Variants in KIAA1328 observed in about 807,000 individuals in gnomAD.
The protein encoded by KIAA1328 is protein hinderin.
A neutral mutation model predicts 68.1 loss-of-function variants in KIAA1328; 52 were observed. That is an observed-to-expected ratio of 0.76 (90% confidence interval 0.61 to 0.96). KIAA1328 has a LOEUF of 0.96. KIAA1328 is among the 40% of genes least tolerant of loss of function. The pLI is 0.00. For missense variants in KIAA1328, 641 were observed against 677.6 expected (o/e 0.95, Z 0.60); for synonymous variants, 232 against 239.4 (o/e 0.97, Z 0.28).
At chr18:36,926,850 A>G (rs913025269) in intron 5 of KIAA1328, among the ~76,000 whole-genome samples, 1 of 152,188 alleles carries the variant, frequency 6.6e-6, no homozygotes, top group African/African-American at 2.4e-5. Flanking sequence ...ATGGTTCTGC[A>G]TGCTTTATAG....
chr18:36,982,843 T>C (rs2052751890), intron 6 of KIAA1328, among the ~76,000 whole-genome samples: 1 of 151,986 alleles, frequency 6.6e-6, no homozygotes, highest in African/African-American at 2.4e-5. Flanking sequence ...ATAAGAAATA[T>C]TGCATTAAGG....
At chr18:37,057,931 C>T (rs924731491) in intron 6 of KIAA1328, among the ~76,000 whole-genome samples, 4 of 152,112 alleles carry the variant, frequency 2.6e-5, no homozygotes, top group South Asian at 2.1e-4. Context: ...CCGACCTTGT[C>T]GTAGTTGCAC....
downstream of KIAA1328, among the ~76,000 whole-genome samples, chr18:37,228,492 A>G (rs904211388): frequency 2.0e-5 from 3 of 152,164 alleles, no homozygotes; most frequent in Non-Finnish European, 4.4e-5. Context: ...GTAGCCATCA[A>G]CATCAAGGCA....
chr18:37,119,782 T>C (rs2058220043), intron 7 of KIAA1328, among the ~76,000 whole-genome samples: 1 of 152,182 alleles, frequency 6.6e-6, no homozygotes, highest in African/African-American at 2.4e-5. Flanking sequence ...TATAGATTTG[T>C]GTTAATATAC....
In KIAA1328 at chr18:36,959,416, C is replaced by G. The variant is rs200144238; in HGVS notation, c.557C>G (p.Ala186Gly). The change falls in exon 6 of 10, where the codon GCT becomes GGT. Residue 186 changes from alanine (A) to glycine (G), a missense_variant. Coordinates refer to ENST00000280020, the MANE Select transcript of KIAA1328 (RefSeq NM_020776.3). ...ATGTCTCTCTCAGAACTTGGTGCTG[C>G]TAGAATGCAGGAACAGCAGGTAAGC... ...LTMSLSELGA[A>G]RMQEQQVSSR... The G allele has an allele frequency of 1.3e-4, 210 of 1,609,062 alleles. No homozygotes were observed. In the African/African-American group the frequency reaches 2.3e-3, roughly 18 times the overall value.
chr18:37,049,009 TATA>T (rs1267797363), intron 6 of KIAA1328, among the ~76,000 whole-genome samples: 1 of 152,170 alleles, frequency 6.6e-6, no homozygotes, highest in Non-Finnish European at 1.5e-5. Flanking sequence ...TTCCATACAG[TATA>T]TTGGAGAGGT....
intron 6 of KIAA1328, among the ~76,000 whole-genome samples, chr18:37,055,368 T>G (rs1369582013): frequency 6.6e-6 from 1 of 152,208 alleles, no homozygotes; most frequent in Non-Finnish European, 1.5e-5. Flanking sequence ...TTCATTTGCT[T>G]GGATGTCTTG....
intron 1 of KIAA1328, among the ~76,000 whole-genome samples, chr18:36,833,612 A>G (rs2046572550): frequency 6.6e-6 from 1 of 152,226 alleles, no homozygotes; most frequent in Non-Finnish European, 1.5e-5. Context: ...GGGAACATGC[A>G]CAGAAGTGAC....
intron 5 of KIAA1328, among the ~76,000 whole-genome samples, chr18:36,894,045 G>A (rs1014189861): frequency 1.3e-5 from 2 of 152,066 alleles, no homozygotes; most frequent in African/African-American, 4.8e-5. Context: ...CTTAGGTGAG[G>A]CAGATACTCT....
chr18:37,038,690 C>CT (rs941171497), intron 6 of KIAA1328, among the ~76,000 whole-genome samples: 18 of 151,012 alleles, frequency 1.2e-4, no homozygotes, highest in African/African-American at 3.9e-4. Flanking sequence ...TAATGTATGT[C>CT]TTTTTTTTTC....
At chr18:36,934,681 C>G (rs894235728) in intron 5 of KIAA1328, among the ~76,000 whole-genome samples, 1 of 152,146 alleles carries the variant, frequency 6.6e-6, no homozygotes, top group Non-Finnish European at 1.5e-5. Flanking sequence ...GCCATCGTCT[C>G]CCTCTCCTCT....
At chr18:37,100,915 G>T (rs368617344) in intron 7 of KIAA1328, among the ~76,000 whole-genome samples, 3 of 152,332 alleles carry the variant, frequency 2.0e-5, no homozygotes, top group African/African-American at 2.4e-5. Context: ...AACAGGGTCT[G>T]GAGTGGACCT....
At chr18:36,885,841 C>G (rs867942173) in intron 5 of KIAA1328, 169 bp downstream of exon 5, 1 of 526,672 alleles carries the variant, frequency 1.9e-6, no homozygotes, top group African/African-American at 2.0e-5. Flanking sequence ...CTCAGCCTCC[C>G]GAGTAGCTGG....
intron 5 of KIAA1328, chr18:36,901,957 G>C (rs1323942820): frequency 1.3e-5 from 2 of 151,972 alleles, no homozygotes; most frequent in Non-Finnish European, 2.9e-5. Flanking sequence ...GAGTTTCATA[G>C]CTGTTTATTT....
At chr18:36,851,766 T>C (rs907023443) in intron 4 of KIAA1328, among the ~76,000 whole-genome samples, 2 of 145,364 alleles carry the variant, frequency 1.4e-5, no homozygotes, top group Admixed American at 1.4e-4. Context: ...TTTTTATATA[T>C]TGTATTTTTT....
downstream of KIAA1328, among the ~76,000 whole-genome samples, chr18:37,227,352 A>G (rs1041451364): frequency 1.3e-5 from 2 of 152,228 alleles, no homozygotes; most frequent in Non-Finnish European, 2.9e-5. Context: ...TGTAAATTAA[A>G]CAGCCTTCTA....
At chr18:36,905,001 T>C (rs1021567020) in intron 5 of KIAA1328, among the ~76,000 whole-genome samples, 6 of 151,970 alleles carry the variant, frequency 3.9e-5, no homozygotes, top group African/African-American at 1.4e-4. Context: ...TTTCTGATCA[T>C]TGTGCTATTA....
chr18:36,885,700 A>G, intron 5 of KIAA1328, 28 bp downstream of exon 5: 1 of 1,393,926 alleles, frequency 7.2e-7, no homozygotes, highest in Non-Finnish European at 9.8e-7. Flanking sequence ...CTCTTTTTTA[A>G]CGTTCAAGAA....
At chr18:36,947,106 G>A (rs769140244) in intron 5 of KIAA1328, among the ~76,000 whole-genome samples, 1 of 152,164 alleles carries the variant, frequency 6.6e-6, no homozygotes, top group Non-Finnish European at 1.5e-5. Context: ...GGAGGTTGCA[G>A]TGAGCCGAGA....
Sources: gnomAD v4.1 joint callset for allele counts (sites outside exome capture counted in the v4.1 genomes callset) on GRCh38, gnomAD v4.1.1 for gene constraint, MANE v1.5 for transcripts, NCBI Gene and HGNC (gene_info 2026-07-23, HGNC 2026-07-21) for gene names.